LMNTD1: variants seen among roughly 807,000 people sequenced by gnomAD.
LMNTD1 encodes lamin tail domain-containing protein 1.
A neutral mutation model predicts 50.9 loss-of-function variants in LMNTD1; 35 were observed. The ratio of observed to expected loss-of-function variants is 0.69; its 90% CI spans 0.53 to 0.91. The LOEUF (loss-of-function observed/expected upper bound fraction) is 0.91. LMNTD1 is among the 40% of genes least tolerant of loss of function. The probability of loss-of-function intolerance (pLI) is 0.00; values close to 1 mark genes in which losing one functional copy is unlikely to be tolerated. For missense variants in LMNTD1, 470 were observed against 475.5 expected, an observed-to-expected ratio of 0.99 and a Z score of 0.11; for synonymous variants, 153 against 161.9, an observed-to-expected ratio of 0.94 and a Z score of 0.42.
intron 4 of LMNTD1, among the ~76,000 whole-genome samples, chr12:25,527,428 T>C (rs1364223777): frequency 2.0e-5 from 3 of 151,294 alleles, no homozygotes; most frequent in Non-Finnish European, 4.4e-5. Context: ...TTTTTCACCT[T>C]TTAACTTGCA....
chr12:25,523,330 C>T (rs1208482516), intron 6 of LMNTD1, among the ~76,000 whole-genome samples: 1 of 152,304 alleles, frequency 6.6e-6, no homozygotes, highest in Admixed American at 6.5e-5. Context: ...CTGCGCTGGC[C>T]TAGGCTTCTT....
chr12:25,520,034 C>T lies in LMNTD1; in HGVS notation c.840G>A (p.Trp280Ter). 6.2e-7 allele frequency: 1 copy of T among 1,612,960 alleles called. No homozygotes were observed. The highest frequency in any genetic ancestry group is 1.1e-5 in the South Asian group (1 of 91,014). ...ATTCAACGTCAGCATCTAATTTTTC[C>T]CACGCTTGCTTCCAGTGGATAGGGG... ...WYTPIHWKQA[W>*]EKLDADVEFN... is the part of the protein sequence containing the mutation. Residue 280 changes from tryptophan (W) to a stop codon, truncating the protein, a stop_gained, in exon 7 of 10, where the codon TGG becomes TGA. Coordinates refer to ENST00000458174, the MANE Select transcript of LMNTD1 (RefSeq NM_001145728.2). LOFTEE classifies it high-confidence loss of function.
chr12:25,545,724 G>A (rs897525188), intron 4 of LMNTD1, among the ~76,000 whole-genome samples: 1 of 151,470 alleles, frequency 6.6e-6, no homozygotes, highest in East Asian at 1.9e-4. Context: ...ATAGGGCATG[G>A]GTGATTGATT....
chr12:25,555,608 GTTC>G (rs975054503), upstream of LMNTD1, among the ~76,000 whole-genome samples: 1 of 152,004 alleles, frequency 6.6e-6, no homozygotes, highest in African/African-American at 2.4e-5. Flanking sequence ...TTTGAAAAGG[GTTC>G]TTATCTTTTA....
In LMNTD1 at chr12:25,562,779, G is replaced by A. The variant is rs1011076606; in HGVS notation, c.59-16225C>T. On this transcript the variant is annotated intron_variant, in intron 1 of 7. Transcript: ENST00000445693. ...CCGTCACTTTCAGGTACACCAATCCGATGTAGATTTGGTCTTTTCACATAG... is the reference window on the plus strand; with the variant it reads ...CCGTCACTTTCAGGTACACCAATCCAATGTAGATTTGGTCTTTTCACATAG... Among the ~76,000 whole-genome samples, 18 of 152,322 alleles carry A rather than the reference G, an allele frequency of 1.2e-4. 1 individual carries two copies. The highest frequency in any genetic ancestry group is 7.8e-4 in the Admixed American group (12 of 15,300).
At chr12:25,528,667 A>G (rs12581476) in intron 4 of LMNTD1, among the ~76,000 whole-genome samples, 26,660 of 152,034 alleles carry the variant, frequency 0.18, 2,676 homozygotes, top group African/African-American at 0.27. Flanking sequence ...TTAGAAACAG[A>G]CTCTCCTACA....
intron 4 of LMNTD1, among the ~76,000 whole-genome samples, chr12:25,537,767 A>T (rs1179477268): frequency 6.6e-6 from 1 of 152,126 alleles, no homozygotes; most frequent in Non-Finnish European, 1.5e-5. Context: ...AGATGATCAA[A>T]TTACTCTGAG....
At chr12:25,527,646 AT>A (rs1260981578) in intron 4 of LMNTD1, among the ~76,000 whole-genome samples, 5 of 42,330 alleles carry the variant, frequency 1.2e-4, no homozygotes, top group Non-Finnish European at 2.1e-4. Context: ...AACACTATAT[AT>A]ATATATATAT....
intron 1 of LMNTD1, among the ~76,000 whole-genome samples, chr12:25,591,078 A>G (rs141513953): frequency 0.014 from 2,155 of 152,046 alleles, no homozygotes; most frequent in South Asian, 0.021. Context: ...TACCTTAGGT[A>G]CTAGCTTGGC....
chr12:25,528,523 A>AAG (rs1941975319), intron 4 of LMNTD1, among the ~76,000 whole-genome samples: 1 of 152,228 alleles, frequency 6.6e-6, no homozygotes, highest in Non-Finnish European at 1.5e-5. Flanking sequence ...GATTGACAAC[A>AAG]AGTTGTCATC....
chr12:25,515,838 C>G (rs1036546346), intron 8 of LMNTD1, among the ~76,000 whole-genome samples: 8 of 152,030 alleles, frequency 5.3e-5, no homozygotes, highest in African/African-American at 1.9e-4. Context: ...TTCTTTCTAT[C>G]TAAGATTCTT....
intron 9 of LMNTD1, among the ~76,000 whole-genome samples, chr12:25,479,863 A>G (rs1423440835): frequency 6.6e-6 from 1 of 152,140 alleles, no homozygotes; most frequent in African/African-American, 2.4e-5. Flanking sequence ...CAAGGGCTCA[A>G]TGTTGGTCTC....
chr12:25,497,973 A>G (rs536250245), intron 9 of LMNTD1, among the ~76,000 whole-genome samples: 9 of 152,254 alleles, frequency 5.9e-5, no homozygotes, highest in African/African-American at 1.9e-4. Context: ...GATATTGGGG[A>G]AAAATTCTCA....
chr12:25,569,479 TG>T, intron 1 of LMNTD1, among the ~76,000 whole-genome samples: 1 of 152,120 alleles, frequency 6.6e-6, no homozygotes, highest in African/African-American at 2.4e-5. Flanking sequence ...GTTAAGACTT[TG>T]GGGGACTGTT....
chr12:25,542,859 C>G (rs1943186123), intron 4 of LMNTD1, among the ~76,000 whole-genome samples: 1 of 151,384 alleles, frequency 6.6e-6, no homozygotes, highest in Non-Finnish European at 1.5e-5. Flanking sequence ...AACACATGTT[C>G]TTTGAGGAGC....
chr12:25,521,422 AT>A (rs147366170), intron 6 of LMNTD1, among the ~76,000 whole-genome samples: 3,070 of 152,268 alleles, frequency 0.02, 81 homozygotes, highest in African/African-American at 0.058. Context: ...GTACAACAGA[AT>A]TTAAAAACTG....
intron 1 of LMNTD1, among the ~76,000 whole-genome samples, chr12:25,586,977 TC>T (rs1945547557): frequency 6.6e-6 from 1 of 152,212 alleles, no homozygotes; most frequent in Non-Finnish European, 1.5e-5. Flanking sequence ...TGATTAAAGA[TC>T]CAGCAGCACT....
intron 1 of LMNTD1, among the ~76,000 whole-genome samples, chr12:25,594,150 A>T (rs1592084708): frequency 1.3e-5 from 2 of 152,358 alleles, no homozygotes; most frequent in East Asian, 3.8e-4. Context: ...TTGGGGAATA[A>T]TCAAGGAAAA....
intron 1 of LMNTD1, among the ~76,000 whole-genome samples, chr12:25,636,751 C>G (rs374939936): frequency 6.6e-6 from 1 of 152,166 alleles, no homozygotes; most frequent in East Asian, 1.9e-4. Flanking sequence ...ATCAATCAAT[C>G]AGTGGATAAA....
Sources: gnomAD v4.1 joint callset for allele counts (sites outside exome capture counted in the v4.1 genomes callset) on GRCh38, gnomAD v4.1.1 for gene constraint, MANE v1.5 for transcripts, NCBI Gene and HGNC (gene_info 2026-07-23, HGNC 2026-07-21) for gene names.